The following WDR54 variants were observed in gnomAD, a reference collection of about 807,000 sequenced individuals.
WDR54 encodes WD repeat-containing protein 54.
Under a neutral mutation model 44.1 loss-of-function variants are expected in WDR54, and 44 were observed. That is an observed-to-expected ratio of 1.00 (90% CI 0.78 to 1.28). The LOEUF (loss-of-function observed/expected upper bound fraction) is 1.28, where lower values mean the gene tolerates loss of function less well. WDR54 is among the 50% of genes most tolerant of loss of function. The pLI, the probability that WDR54 is intolerant of heterozygous loss-of-function variation, is 0.00. For synonymous variants in WDR54, 169 were observed against 169.8 expected (o/e 1.00, Z 0.04); for missense variants, 409 against 429.7 (o/e 0.95, Z 0.43).
intron 3 of WDR54, 186 bp downstream of exon 3, chr2:74,423,118 C>CT: frequency 1.2e-6 from 1 of 823,252 alleles, no homozygotes; most frequent in Non-Finnish European, 2.0e-6. Context: ...CCTCCAGTAT[C>CT]TGCCCCTTTA....
chr2:74,422,325 C>A lies in WDR54; in HGVS notation c.172C>A (p.Gln58Lys). The A allele has an allele frequency of 1.2e-6, 2 of 1,614,178 alleles. No homozygotes were observed. Among genetic ancestry groups the A allele is most frequent in the Non-Finnish European group, 1.7e-6 (2 of 1,180,030 alleles). Reference protein sequence around the residue: ...APEGVPLAQRQLHAKEGAGVS... With the variant: ...APEGVPLAQRKLHAKEGAGVS... ...TGAGGGTGTGCCCTTGGCCCAGCGC[C>A]AGCTCCACGCTAAGGAGGGTGCTGG... The change falls in exon 2 of 10, where the codon CAG becomes AAG. Residue 58 changes from glutamine (Q) to lysine (K), a missense_variant. By Grantham distance (53) the Gln-to-Lys change is moderately conservative. Transcript: ENST00000348227.
Position 74,421,802 on chromosome 2 carries a change from G to A in WDR54, c.-16G>A, listed in dbSNP as rs567729038. On this transcript the variant is annotated 5_prime_UTR_variant, in exon 1 of 10. Transcript: ENST00000348227. ...CTACGAACCAGGAGTCAGGCGAGCCGATCTGGGGCTGCAGGTGTTACCTCT... is the reference window on the plus strand; with the variant it reads ...CTACGAACCAGGAGTCAGGCGAGCCAATCTGGGGCTGCAGGTGTTACCTCT... 7.3e-4 allele frequency: 495 copies of A among 674,620 alleles called. 5 individuals are homozygous for A. The African/African-American group carries it at 8.1e-3, about 11-fold the overall frequency. 41.8% of individuals were successfully genotyped at this position (674,620 alleles called of 1,614,324 possible).
At position 74,424,858 on chromosome 2, in the gene WDR54, C is replaced by T. The variant is rs201113204; in HGVS notation, c.535-17C>T. ...GCAGGGGAGAAAGGGAAGGGTTGAT[C>T]TTGCCTTTCCCTTCAGGATTGTGTG... is the stretch of plus-strand genomic sequence containing the variant. On this transcript the variant is annotated splice_polypyrimidine_tract_variant and intron_variant, in intron 6 of 9. Coordinates refer to ENST00000348227, the MANE Select transcript of WDR54 (RefSeq NM_032118.4). 6.2e-7 allele frequency: 1 copy of T among 1,614,010 alleles called. No homozygotes were observed. Among genetic ancestry groups the T allele is most frequent in the Admixed American group, 1.7e-5 (1 of 60,026 alleles).
chr2:74,425,087 C>T lies in WDR54; in HGVS notation c.648C>T (p.Pro216=). ...GTCACCCTTGCAGAGTTCCGTGCCCCTCTGTGCAGCTGTGGCAGGGGATCA... is the reference window on the plus strand; with the variant it reads ...GTCACCCTTGCAGAGTTCCGTGCCCTTCTGTGCAGCTGTGGCAGGGGATCA... ...TRIPGFGVPC[P]SVQLWQGIIA... Residue 216 remains proline (P), a synonymous_variant, in exon 8 of 10, where the codon CCC becomes CCT. Transcript: ENST00000348227. 6.2e-7 allele frequency: 1 copy of T among 1,601,546 alleles called. No individual in the cohort carries two copies. Among genetic ancestry groups the T allele is most frequent in the Non-Finnish European group, 8.5e-7 (1 of 1,171,074 alleles).
chr2:74,423,035 CA>C (rs1383636134), intron 3 of WDR54, 103 bp downstream of exon 3: 1 of 1,188,860 alleles, frequency 8.4e-7, no homozygotes, highest in Non-Finnish European at 1.2e-6. Context: ...AGACTTTTCA[CA>C]TGCTTGGCCC....
In WDR54 at chr2:74,424,960, G is replaced by A. The variant is rs771889482; in HGVS notation, c.620G>A (p.Arg207His). ...GGGCCAGAATTCACATTATTGACCC[G>A]CATTCCAGGATTTGGGTAGGTGAGG... ...RSGPEFTLLT[R>H]IPGFGVPCPS... Residue 207 changes from arginine to histidine, a missense_variant, in exon 7 of 10, where the codon CGC becomes CAC. Transcript: ENST00000348227. 3.3e-5 allele frequency: 54 copies of A among 1,614,082 alleles called. No individual in the cohort carries two copies. Among genetic ancestry groups the A allele is most frequent in the Admixed American group, 8.3e-5 (5 of 60,008 alleles).
intron 9 of WDR54, 27 bp downstream of exon 9, chr2:74,425,518 G>C: frequency 1.2e-6 from 2 of 1,614,172 alleles, no homozygotes; most frequent in Admixed American, 3.3e-5. Flanking sequence ...GGGTGGAATG[G>C]GGGGGCCCAA....
rs573161442 is a variant in WDR54 at position 74,422,275 on chromosome 2, G to A, written c.122G>A (p.Ser41Asn). Residue 41 changes from serine (S) to asparagine (N), a missense_variant, in exon 2 of 10, where the codon AGC becomes AAC. Physicochemically the swap from Ser to Asn is conservative, Grantham distance 46. Transcript: ENST00000348227. ...TATTTTGGCGTGGTTCATGGACCAA[G>A]CGCCCAGCTTCTCAGCGCTGCTCCT... ...LTYFGVVHGP[S>N]AQLLSAAPEG... The A allele has an allele frequency of 1.1e-5, 18 of 1,614,220 alleles. No individual in the cohort carries two copies. The highest frequency in any genetic ancestry group is 4.0e-5 in the African/African-American group (3 of 75,070).
At chr2:74,425,517 G>C (rs200063277) in intron 9 of WDR54, 26 bp downstream of exon 9, 7 of 1,614,074 alleles carry the variant, frequency 4.3e-6, no homozygotes, top group East Asian at 4.5e-5. Flanking sequence ...TGGGTGGAAT[G>C]GGGGGGCCCA....
chr2:74,424,485 G>A (rs1670266100), intron 6 of WDR54, among the ~76,000 whole-genome samples: 1 of 152,140 alleles, frequency 6.6e-6, no homozygotes, highest in South Asian at 2.1e-4. Context: ...CATAGGGCTA[G>A]GCCCATAGGT....
At position 74,425,706 on chromosome 2, in the gene WDR54, A is replaced by C; in HGVS notation, c.*5A>C. 1 of 1,614,132 alleles carries C rather than the reference A, an allele frequency of 6.2e-7. No homozygotes were observed. Among genetic ancestry groups the C allele is most frequent in the Non-Finnish European group, 8.5e-7 (1 of 1,180,018 alleles). ...CGGAGATTCAGCAGTGTGTGAGAAGAGCAGCCTTCCTTTGTCCCTGTGGTA... is the reference window on the plus strand; with the variant it reads ...CGGAGATTCAGCAGTGTGTGAGAAGCGCAGCCTTCCTTTGTCCCTGTGGTA... On this transcript the variant is annotated 3_prime_UTR_variant, in exon 10 of 10. Transcript: ENST00000348227.
rs767455570 is a variant in WDR54 at position 74,425,492 on chromosome 2, G to A, written c.873+1G>A. On this transcript the variant is annotated splice_donor_variant, in intron 9 of 9. Transcript: ENST00000348227. LOFTEE classifies it high-confidence loss of function. ...AAACCCAGAGAGTGGCTACATTGAG[G>A]TATGTGTCATGGGGTGGGTGGAATG... 6.2e-7 allele frequency: 1 copy of A among 1,614,234 alleles called. No homozygotes were observed. Among genetic ancestry groups the A allele is most frequent in the South Asian group, 1.1e-5 (1 of 91,088 alleles).
rs1670202490 is a variant in WDR54, at chr2:74,423,220, G to GT, written c.286-95dup. On this transcript the variant is annotated intron_variant, in intron 3 of 9. Transcript: ENST00000348227. ...AAAATAGTACCTACATCCCAGATTT[G>GT]TTTTGAGGATTAAATGGGCTAAGGC... The GT allele has an allele frequency of 1.1e-5, 15 of 1,399,596 alleles. No individual in the cohort carries two copies. The South Asian group carries it at 1.5e-4, about 14-fold the overall frequency. 86.7% of individuals were successfully genotyped at this position (1,399,596 alleles called of 1,614,324 possible).
intron 6 of WDR54, 72 bp from the exon 7 acceptor site, chr2:74,424,802 CT>C: frequency 6.3e-7 from 1 of 1,581,662 alleles, no homozygotes; most frequent in Non-Finnish European, 8.7e-7. Context: ...CACTGCCTCC[CT>C]TCCCCTCCTG....
chr2:74,424,790 C>CA, intron 6 of WDR54, 85 bp from the exon 7 acceptor site: 1 of 1,546,416 alleles, frequency 6.5e-7, no homozygotes, highest in Non-Finnish European at 8.9e-7. Context: ...CAAAGATGCA[C>CA]ACACTGCCTC....
chr2:74,425,326 T>C (rs527660597), intron 8 of WDR54, 89 bp downstream of exon 8: 93 of 1,581,752 alleles, frequency 5.9e-5, no homozygotes, highest in Non-Finnish European at 7.7e-5. Context: ...CAACTCAGTG[T>C]AGCCCCCTCC....
chr2:74,421,981 G>A, intron 1 of WDR54, 165 bp downstream of exon 1: 2 of 665,740 alleles, frequency 3.0e-6, no homozygotes, highest in Non-Finnish European at 5.2e-6. Flanking sequence ...AAACAGCCCT[G>A]GGACTCCCCT....
rs1220480356 is a variant in WDR54 at position 74,422,923 on chromosome 2, A to G, written c.276A>G (p.Arg92=). ...TGCTGCTGGTACTCACCTCACATCG[A>G]GGAATACAGGTAAGAAGAGGACTCT... ...FRVLLVLTSH[R]GIQMYESNGY... Residue 92 remains arginine (R), a synonymous_variant, in exon 3 of 10, where the codon CGA becomes CGG. Transcript: ENST00000348227. The G allele has an allele frequency of 4.3e-6, 7 of 1,613,998 alleles. No individual in the cohort carries two copies. Among genetic ancestry groups the G allele is most frequent in the Non-Finnish European group, 4.2e-6 (5 of 1,180,008 alleles).
intron 6 of WDR54, 22 bp downstream of exon 6, chr2:74,424,004 A>G: frequency 6.2e-7 from 1 of 1,613,330 alleles, no homozygotes; most frequent in Non-Finnish European, 8.5e-7. Flanking sequence ...TCCCCTACCC[A>G]TCTGGGAGCC....
Sources: gnomAD v4.1 joint callset for allele counts (sites outside exome capture counted in the v4.1 genomes callset) on GRCh38, gnomAD v4.1.1 for gene constraint, MANE v1.5 for transcripts, NCBI Gene and HGNC (gene_info 2026-07-23, HGNC 2026-07-21) for gene names.